The following LRPPRC variants were observed in gnomAD, a reference collection of about 807,000 sequenced individuals.
LRPPRC encodes the protein leucine rich pentatricopeptide repeat containing.
Under a neutral mutation model 180.3 loss-of-function variants are expected in LRPPRC, and 120 were observed. That is an observed-to-expected ratio of 0.67 (90% confidence interval 0.57 to 0.77). The LOEUF (loss-of-function observed/expected upper bound fraction) is 0.77. Among genes scored for constraint, LRPPRC ranks in the 30% least tolerant of loss-of-function variants. The probability of loss-of-function intolerance (pLI) is 0.00; values close to 1 mark genes in which losing one functional copy is unlikely to be tolerated. For synonymous variants in LRPPRC, 723 were observed against 600.0 expected (o/e 1.21, Z -3.00); for missense variants, 2,012 against 1,657.2 (o/e 1.21, Z -3.72).
Position 43,973,906 on chromosome 2 carries a change from G to GA in LRPPRC, c.1156-7_1156-6insT. ...TCTGTTAGCTTCTCCACAGGCTGTG[G>GA]GAAAAAAGTCACCACATTAGCTGGA... On this transcript the variant is annotated splice_polypyrimidine_tract_variant and splice_region_variant and intron_variant, in intron 9 of 37. Transcript: ENST00000260665. 2 of 1,551,436 alleles carry GA rather than the reference G, an allele frequency of 1.3e-6. No individual in the cohort carries two copies. Among genetic ancestry groups the GA allele is most frequent in the South Asian group, 1.1e-5 (1 of 89,830 alleles).
Position 43,995,826 on chromosome 2 carries a change from G to A in LRPPRC, c.122C>T (p.Pro41Leu), listed in dbSNP as rs1224793054. Residue 41 changes from proline to leucine, a missense_variant, in exon 1 of 38, where the codon CCC becomes CTC. Pro to Leu is a moderately conservative substitution (Grantham distance 98). Transcript: ENST00000260665. ...PGRLHAASYL[P>L]AARAGPVAGG... ...GGCCACGGGCCCGGCGCGAGCGGCGGGCAGATAGGAGGCGGCATGCAGCCG... is the reference window on the plus strand; with the variant it reads ...GGCCACGGGCCCGGCGCGAGCGGCGAGCAGATAGGAGGCGGCATGCAGCCG... 2.8e-6 allele frequency: 4 copies of A among 1,422,798 alleles called. 1 individual carries two copies. Among genetic ancestry groups the A allele is most frequent in the African/African-American group, 1.5e-5 (1 of 66,450 alleles). The allele number at this position is 1,422,798 out of a possible 1,614,324, so 88.1% of individuals were successfully genotyped here.
chr2:43,947,875 A>G (rs1379262205), intron 18 of LRPPRC, 100 bp from the exon 19 acceptor site: 2 of 791,772 alleles, frequency 2.5e-6, no homozygotes, highest in Admixed American at 1.9e-5. Flanking sequence ...TCATATTACT[A>G]CTTTTCATCT....
At chr2:43,892,601 A>G (rs1034001526) in intron 36 of LRPPRC, 4 of 152,196 alleles carry the variant, frequency 2.6e-5, no homozygotes, top group Admixed American at 6.5e-5. Flanking sequence ...CAGGGAGATT[A>G]ATGTTGTTCT....
intron 11 of LRPPRC, among the ~76,000 whole-genome samples, chr2:43,972,933 C>G (rs1673882575): frequency 6.6e-6 from 1 of 152,168 alleles, no homozygotes; most frequent in Non-Finnish European, 1.5e-5. Flanking sequence ...TATGAGACTA[C>G]TCTTTCTGAA....
chr2:43,948,076 A>G (rs776566881), intron 18 of LRPPRC, 46 bp downstream of exon 18: 2 of 1,207,914 alleles, frequency 1.7e-6, no homozygotes, highest in South Asian at 2.4e-5. Flanking sequence ...ATGCTGTTAT[A>G]TGTAAGTTAA....
At chr2:43,925,305 T>C in intron 26 of LRPPRC, 148 bp from the exon 27 acceptor site, 1 of 686,520 alleles carries the variant, frequency 1.5e-6, no homozygotes, top group South Asian at 1.6e-5. Context: ...AGCACAACAA[T>C]ATGAATGAAC....
At chr2:43,915,230 TCTCACACACA>T (rs1343478280) in intron 29 of LRPPRC, among the ~76,000 whole-genome samples, 698 of 47,334 alleles carry the variant, frequency 0.015, 15 homozygotes, top group Admixed American at 0.14. Context: ...TCTCTCTCTC[TCTCACACACA>T]CACACACACA....
chr2:43,984,378 G>A (rs1032211599), intron 1 of LRPPRC, among the ~76,000 whole-genome samples: 14 of 152,194 alleles, frequency 9.2e-5, no homozygotes, highest in Middle Eastern at 3.2e-3. Context: ...TTAAATGTAA[G>A]AGAAGACCAA....
In LRPPRC at chr2:43,986,955, T is replaced by A. The variant is rs539044757; in HGVS notation, c.150-4521A>T. ...CAACTTATTTTGTTGCACTGTAATG[T>A]AGAAAATGGGGAACTCAAATTTATC... On this transcript the variant is annotated intron_variant, in intron 1 of 37. Coordinates refer to ENST00000260665, the MANE Select transcript of LRPPRC (RefSeq NM_133259.4). 7.2e-4 allele frequency among the ~76,000 whole-genome samples: 110 copies of A among 152,336 alleles called. 2 individuals carry two copies. Among genetic ancestry groups the A allele is most frequent in the African/African-American group, 2.6e-3 (110 of 41,578 alleles).
chr2:43,972,807 A>G (rs1167275901), intron 11 of LRPPRC, among the ~76,000 whole-genome samples: 1 of 152,166 alleles, frequency 6.6e-6, no homozygotes, highest in East Asian at 1.9e-4. Flanking sequence ...TTGTCACCCA[A>G]TGTCACACTA....
At chr2:43,957,283 T>G (rs1351156130) in intron 14 of LRPPRC, 102 bp downstream of exon 14, 1 of 853,476 alleles carries the variant, frequency 1.2e-6, no homozygotes, top group East Asian at 2.5e-5. Context: ...GAATGTACAC[T>G]GAAAGATAAG....
intron 34 of LRPPRC, among the ~76,000 whole-genome samples, chr2:43,897,698 T>C (rs1257043387): frequency 1.3e-5 from 2 of 150,134 alleles, no homozygotes; most frequent in Non-Finnish European, 3.0e-5. Flanking sequence ...AGCCCTTCAG[T>C]GAGGTCACTG....
In LRPPRC at chr2:43,948,121, C is replaced by G; in HGVS notation, c.1920+1G>C. The G allele has an allele frequency of 6.4e-7, 1 of 1,569,500 alleles. No homozygotes were observed. Among genetic ancestry groups the G allele is most frequent in the Non-Finnish European group, 8.8e-7 (1 of 1,140,046 alleles). Reference sequence around the variant, plus strand: ...CCAGTTGATTGCTATTTCACACACACCTTAATCAATTCAGGAACATGGTAG... The same window carrying G: ...CCAGTTGATTGCTATTTCACACACAGCTTAATCAATTCAGGAACATGGTAG... On this transcript the variant is annotated splice_donor_variant, in intron 18 of 37. Transcript: ENST00000260665. LOFTEE classifies it high-confidence loss of function.
chr2:43,946,684 TAA>T lies in LRPPRC; in HGVS notation c.2080-443_2080-442del, dbSNP rs200183158. Among the ~76,000 whole-genome samples the T allele has an allele frequency of 5.1e-3, 772 of 152,192 alleles. 11 individuals are homozygous for T. The highest frequency in any genetic ancestry group is 0.018 in the African/African-American group (747 of 41,548). ...ATTTAACAGTAGCAGATTATAATCA[TAA>T]AGTTAGTCATGATATTTTTTCCCTA... On this transcript the variant is annotated intron_variant, in intron 20 of 37. Transcript: ENST00000260665.
chr2:43,942,308 G>A (rs1672511760), intron 23 of LRPPRC, among the ~76,000 whole-genome samples: 1 of 152,150 alleles, frequency 6.6e-6, no homozygotes, highest in African/African-American at 2.4e-5. Flanking sequence ...AGTTGCACAT[G>A]CAATTTGCAG....
intron 12 of LRPPRC, among the ~76,000 whole-genome samples, chr2:43,962,869 G>T (rs1333632631): frequency 6.6e-6 from 1 of 152,166 alleles, no homozygotes; most frequent in Non-Finnish European, 1.5e-5. Context: ...CTACTCAGGA[G>T]GCTAAGACAG....
At chr2:43,909,279 AT>A (rs773438904) in intron 30 of LRPPRC, among the ~76,000 whole-genome samples, 94 of 152,294 alleles carry the variant, frequency 6.2e-4, no homozygotes, top group South Asian at 1.9e-3. Context: ...CAAAGCCCAG[AT>A]TGACTTCAGG....
At chr2:43,901,745 T>C in intron 31 of LRPPRC, 1 of 528,588 alleles carries the variant, frequency 1.9e-6, no homozygotes, top group South Asian at 2.3e-5. Flanking sequence ...ATTTCTTCTT[T>C]AAGTCACAGA....
chr2:43,920,655 G>C (rs534725115), intron 27 of LRPPRC, among the ~76,000 whole-genome samples: 14 of 149,326 alleles, frequency 9.4e-5, no homozygotes, highest in Admixed American at 4.7e-4. Context: ...AGTATTTCAA[G>C]TATGTGAAAG....
Sources: allele counts gnomAD v4.1 joint callset (sites outside exome capture counted in the v4.1 genomes callset), GRCh38; gene constraint gnomAD v4.1.1; transcripts MANE v1.5; gene names NCBI Gene and HGNC (gene_info 2026-07-23, HGNC 2026-07-21).